Variants in ADAMTS12 observed in about 807,000 individuals in gnomAD.
ADAMTS12 encodes the protein A disintegrin and metalloproteinase with thrombospondin motifs 12.
In ADAMTS12, 118 loss-of-function variants were observed where a neutral mutation model predicts 167.8. The observed-to-expected ratio is 0.70, with a 90% confidence interval of 0.61 to 0.82. ADAMTS12 has a LOEUF of 0.82. ADAMTS12 is among the 40% of genes least tolerant of loss of function. ADAMTS12 has a pLI of 0.00. For missense variants in ADAMTS12, 1,916 were observed against 1,998.8 expected, an observed-to-expected ratio of 0.96 and a Z score of 0.79; for synonymous variants, 704 against 716.9, an observed-to-expected ratio of 0.98 and a Z score of 0.29.
intron 14 of ADAMTS12, among the ~76,000 whole-genome samples, chr5:33,620,255 T>C (rs989164902): frequency 5.9e-5 from 9 of 152,260 alleles, no homozygotes; most frequent in South Asian, 2.1e-4. Context: ...TTTCCTGTAA[T>C]GTCATGACTT....
rs548114503 is a variant in ADAMTS12, at chr5:33,688,049, T to C, written c.635-3994A>G. Among the ~76,000 whole-genome samples, 36 of 152,308 alleles carry C rather than the reference T, an allele frequency of 2.4e-4. 1 individual carries two copies. The South Asian group carries it at 3.3e-3, about 14-fold the overall frequency. On this transcript the variant is annotated intron_variant, in intron 3 of 23. Transcript: ENST00000504830. ...AAATAACAGGACTCTCTAATTAGGC[T>C]TTAAGCAACTAAAGGGCTAGAAAAA...
At chr5:33,713,965 A>G (rs78254419) in intron 3 of ADAMTS12, among the ~76,000 whole-genome samples, 3,913 of 152,226 alleles carry the variant, frequency 0.026, 156 homozygotes, top group African/African-American at 0.089. Flanking sequence ...AGATAAGAGC[A>G]TGGTAGTCTT....
intron 3 of ADAMTS12, among the ~76,000 whole-genome samples, chr5:33,712,962 T>C (rs552639221): frequency 7.9e-5 from 12 of 152,280 alleles, no homozygotes; most frequent in Admixed American, 5.2e-4. Context: ...TCTGTATAGC[T>C]TGGCCACATT....
At chr5:33,566,570 TA>T (rs1746025366) in intron 19 of ADAMTS12, among the ~76,000 whole-genome samples, 1 of 152,148 alleles carries the variant, frequency 6.6e-6, no homozygotes, top group South Asian at 2.1e-4. Flanking sequence ...AAATATATAT[TA>T]GATATATTTT....
chr5:33,634,996 G>A (rs1057106254), intron 12 of ADAMTS12, among the ~76,000 whole-genome samples: 3 of 152,000 alleles, frequency 2.0e-5, no homozygotes, highest in Admixed American at 6.6e-5. Flanking sequence ...TGACTAGTTC[G>A]GATTACAGGG....
chr5:33,849,366 A>AATAT (rs199640412), intron 2 of ADAMTS12, among the ~76,000 whole-genome samples: 1 of 115,728 alleles, frequency 8.6e-6, no homozygotes, highest in East Asian at 2.9e-4. Flanking sequence ...ATTGAATAGC[A>AATAT]ATATATATAT....
chr5:33,713,948 C>G (rs1362747531), intron 3 of ADAMTS12, among the ~76,000 whole-genome samples: 1 of 152,150 alleles, frequency 6.6e-6, no homozygotes, highest in Non-Finnish European at 1.5e-5. Context: ...CACCAACCTT[C>G]TTTTACAGAT....
At chr5:33,725,305 T>TCCCTAGACACAGTCTCTCTTTCTCTG (rs1401535772) in intron 3 of ADAMTS12, among the ~76,000 whole-genome samples, 3 of 152,164 alleles carry the variant, frequency 2.0e-5, no homozygotes, top group African/African-American at 7.2e-5. Flanking sequence ...GTTGCCTGGC[T>TCCCTAGACACAGTCTCTCTTTCTCTG]CCCTAGACAC....
At chr5:33,846,876 T>C (rs1748966692) in intron 2 of ADAMTS12, among the ~76,000 whole-genome samples, 1 of 152,252 alleles carries the variant, frequency 6.6e-6, no homozygotes, top group Non-Finnish European at 1.5e-5. Context: ...GCTCATTTGA[T>C]GATCAAAGAC....
chr5:33,728,958 G>A (rs1359004660), intron 3 of ADAMTS12, among the ~76,000 whole-genome samples: 2 of 152,130 alleles, frequency 1.3e-5, no homozygotes. Context: ...ATGCATATAT[G>A]TGTATATAAA....
intron 2 of ADAMTS12, among the ~76,000 whole-genome samples, chr5:33,849,301 T>TAC (rs1483351761): frequency 8.0e-6 from 1 of 124,884 alleles, no homozygotes; most frequent in African/African-American, 2.9e-5. Flanking sequence ...TAGCAATATA[T>TAC]ATATATGTAT....
At chr5:33,537,832 A>T (rs1294933538) in intron 22 of ADAMTS12, among the ~76,000 whole-genome samples, 1 of 152,242 alleles carries the variant, frequency 6.6e-6, no homozygotes, top group African/African-American at 2.4e-5. Flanking sequence ...CAGTATAGCA[A>T]CCTACAAATA....
At chr5:33,610,642 G>T (rs6451000) in intron 16 of ADAMTS12, among the ~76,000 whole-genome samples, 94,324 of 152,108 alleles carry the variant, frequency 0.62, 29,827 homozygotes, top group East Asian at 0.82. Context: ...GCCCAAATAC[G>T]GAGGTAATGA....
intron 3 of ADAMTS12, among the ~76,000 whole-genome samples, chr5:33,703,022 A>G (rs1393018702): frequency 6.6e-6 from 1 of 152,112 alleles, no homozygotes; most frequent in Non-Finnish European, 1.5e-5. Context: ...CACTCCTCAA[A>G]CTTGAATACC....
intron 2 of ADAMTS12, among the ~76,000 whole-genome samples, chr5:33,860,799 C>T (rs1749580047): frequency 6.6e-6 from 1 of 152,094 alleles, no homozygotes; most frequent in Non-Finnish European, 1.5e-5. Context: ...GTCCGGTTAC[C>T]CACAAAAGGA....
intron 3 of ADAMTS12, among the ~76,000 whole-genome samples, chr5:33,750,049 A>G (rs967245268): frequency 8.5e-5 from 13 of 152,322 alleles, no homozygotes; most frequent in African/African-American, 3.1e-4. Flanking sequence ...CCCATCACCC[A>G]GAGTGTAATA....
chr5:33,817,846 C>T (rs1747723556), intron 2 of ADAMTS12, among the ~76,000 whole-genome samples: 3 of 152,128 alleles, frequency 2.0e-5, no homozygotes, highest in African/African-American at 7.2e-5. Flanking sequence ...TTTTTCTCCA[C>T]CTTTCTCTTT....
chr5:33,563,885 G>T (rs1745868822), intron 19 of ADAMTS12, among the ~76,000 whole-genome samples: 1 of 152,114 alleles, frequency 6.6e-6, no homozygotes, highest in African/African-American at 2.4e-5. Flanking sequence ...TATAAGTTGG[G>T]CATTATCATC....
chr5:33,553,829 A>T (rs892544075), intron 20 of ADAMTS12, among the ~76,000 whole-genome samples: 1 of 152,186 alleles, frequency 6.6e-6, no homozygotes, highest in African/African-American at 2.4e-5. Context: ...AAGTTTACCT[A>T]TGTAGCAAAC....
Sources: gnomAD v4.1 joint callset for allele counts (sites outside exome capture counted in the v4.1 genomes callset) on GRCh38, gnomAD v4.1.1 for gene constraint, MANE v1.5 for transcripts, NCBI Gene and HGNC (gene_info 2026-07-23, HGNC 2026-07-21) for gene names.